THRB: variants seen among roughly 807,000 people sequenced by gnomAD.
The protein encoded by THRB is nuclear receptor subfamily 1 group A member 2.
THRB carries 12 observed loss-of-function variants against 47.8 expected under a neutral mutation model. The ratio of observed to expected loss-of-function variants is 0.25; its 90% CI spans 0.16 to 0.41. The LOEUF is 0.41. THRB is among the 10% of genes least tolerant of loss of function. The pLI, the probability that THRB is intolerant of heterozygous loss-of-function variation, is 1.00. For synonymous variants in THRB, 218 were observed against 212.2 expected, an observed-to-expected ratio of 1.03 and a Z score of -0.24; for missense variants, 348 against 589.2, an observed-to-expected ratio of 0.59 and a Z score of 4.24.
intron 9 of THRB, among the ~76,000 whole-genome samples, chr3:24,131,969 T>C (rs1279846605): frequency 6.6e-6 from 1 of 152,164 alleles, no homozygotes; most frequent in Non-Finnish European, 1.5e-5. Context: ...AGATATCTGT[T>C]TCCCGAAGCC....
chr3:24,424,377 C>T (rs924844316), intron 1 of THRB, among the ~76,000 whole-genome samples: 6 of 151,842 alleles, frequency 4.0e-5, no homozygotes, highest in Admixed American at 3.3e-4. Flanking sequence ...GTTTTATAAC[C>T]GAGGCAAATG....
intron 4 of THRB, among the ~76,000 whole-genome samples, chr3:24,195,152 A>G (rs1480784401): frequency 6.6e-6 from 1 of 152,184 alleles, no homozygotes; most frequent in African/African-American, 2.4e-5. Flanking sequence ...CAGACTATGT[A>G]CGCCTCAACT....
At chr3:24,445,771 T>C (rs2125459224) in intron 1 of THRB, among the ~76,000 whole-genome samples, 1 of 152,070 alleles carries the variant, frequency 6.6e-6, no homozygotes, top group Middle Eastern at 3.4e-3. Context: ...ATAGAAACAA[T>C]TAAGAAGGTG....
chr3:24,241,858 T>C (rs1242075021), intron 3 of THRB, among the ~76,000 whole-genome samples: 1 of 152,122 alleles, frequency 6.6e-6, no homozygotes, highest in Non-Finnish European at 1.5e-5. Flanking sequence ...GTCCTATGTT[T>C]CTGATGCACA....
At chr3:24,448,513 G>C (rs964561969) in intron 1 of THRB, among the ~76,000 whole-genome samples, 2 of 152,118 alleles carry the variant, frequency 1.3e-5, no homozygotes, top group African/African-American at 2.4e-5. Context: ...AGATAAGCAG[G>C]CCTTGTCCTG....
chr3:24,469,376 C>T (rs2074392081), intron 1 of THRB, among the ~76,000 whole-genome samples: 1 of 152,132 alleles, frequency 6.6e-6, no homozygotes, highest in Non-Finnish European at 1.5e-5. Context: ...ACAGGAGCCA[C>T]CCAGGAGCTG....
intron 1 of THRB, chr3:24,431,247 T>TCG (rs1473914223): frequency 2.2e-5 from 2 of 89,518 alleles, no homozygotes; most frequent in African/African-American, 6.3e-5. Flanking sequence ...GATCAGTCTC[T>TCG]CTCTCTCTCT....
chr3:24,361,787 G>A (rs796237485), intron 1 of THRB, among the ~76,000 whole-genome samples: 3 of 152,178 alleles, frequency 2.0e-5, no homozygotes, highest in African/African-American at 7.2e-5. Context: ...AGGCACTGGG[G>A]GCTTACGTCA....
chr3:24,362,058 G>A (rs2064112553), intron 1 of THRB, among the ~76,000 whole-genome samples: 1 of 151,918 alleles, frequency 6.6e-6, no homozygotes, highest in Non-Finnish European at 1.5e-5. Flanking sequence ...GCTTACAATG[G>A]GCCAAGCACT....
intron 5 of THRB, among the ~76,000 whole-genome samples, chr3:24,154,667 T>A (rs569332699): frequency 6.6e-6 from 1 of 152,266 alleles, no homozygotes; most frequent in African/African-American, 2.4e-5. Flanking sequence ...GACCTACTTA[T>A]AAAACACAAA....
intron 1 of THRB, among the ~76,000 whole-genome samples, chr3:24,370,888 A>T (rs993202719): frequency 6.6e-6 from 1 of 152,166 alleles, no homozygotes; most frequent in Non-Finnish European, 1.5e-5. Context: ...ATTTAGGCCA[A>T]ATCACCCTTT....
intron 1 of THRB, among the ~76,000 whole-genome samples, chr3:24,399,164 A>G (rs1419313985): frequency 2.0e-5 from 3 of 151,870 alleles, no homozygotes; most frequent in Admixed American, 6.6e-5. Context: ...CCAACATGGC[A>G]CATGTATACA....
intron 3 of THRB, among the ~76,000 whole-genome samples, chr3:24,253,794 A>T (rs2050911507): frequency 6.6e-6 from 1 of 152,182 alleles, no homozygotes; most frequent in Non-Finnish European, 1.5e-5. Flanking sequence ...GGCCAGGTAG[A>T]TGATCAGTTC....
At chr3:24,382,740 A>G (rs1435924586) in intron 1 of THRB, among the ~76,000 whole-genome samples, 2 of 152,178 alleles carry the variant, frequency 1.3e-5, no homozygotes, top group Non-Finnish European at 2.9e-5. Flanking sequence ...TTCATTTTCC[A>G]AAAGACTGAA....
At chr3:24,210,252 G>A (rs926312554) in intron 4 of THRB, among the ~76,000 whole-genome samples, 3 of 152,124 alleles carry the variant, frequency 2.0e-5, no homozygotes, top group Non-Finnish European at 4.4e-5. Context: ...TGGGGAGGGT[G>A]GGAGGAAACT....
In THRB at chr3:24,349,733, G is replaced by T. The variant is rs1053126831; in HGVS notation, c.-260-12362C>A. ...GGTAAAAATGTAAAAGGTGAAACAC[G>T]AAATCCTCAGAAAGATAACATATGG... On this transcript the variant is annotated intron_variant, in intron 1 of 10. Coordinates refer to ENST00000646209, the MANE Select transcript of THRB (RefSeq NM_001354712.2). Among the ~76,000 whole-genome samples, 74 of 152,122 alleles carry T rather than the reference G, an allele frequency of 4.9e-4. 1 individual carries two copies. Among genetic ancestry groups the T allele is most frequent in the African/African-American group, 1.7e-3 (72 of 41,534 alleles).
chr3:24,317,706 T>C (rs190198042), intron 2 of THRB, among the ~76,000 whole-genome samples: 145 of 152,270 alleles, frequency 9.5e-4, no homozygotes, highest in Admixed American at 1.6e-3. Flanking sequence ...AAAATTCACA[T>C]TGGTTCTAAA....
At chr3:24,165,404 A>G (rs529826895) in intron 5 of THRB, 8 of 721,406 alleles carry the variant, frequency 1.1e-5, no homozygotes, top group African/African-American at 1.0e-4. Context: ...CAGTCTACGC[A>G]TGCATTCTCC....
intron 1 of THRB, among the ~76,000 whole-genome samples, chr3:24,445,723 G>C (rs1040007025): frequency 1.3e-5 from 2 of 151,986 alleles, no homozygotes; most frequent in Non-Finnish European, 2.9e-5. Flanking sequence ...TCATAAAAAC[G>C]TCCATGCCCT....
Sources: gnomAD v4.1 joint callset for allele counts (sites outside exome capture counted in the v4.1 genomes callset) on GRCh38, gnomAD v4.1.1 for gene constraint, MANE v1.5 for transcripts, NCBI Gene and HGNC (gene_info 2026-07-23, HGNC 2026-07-21) for gene names.